Variants in PCDHA10 observed in about 807,000 individuals in gnomAD.
The protein encoded by PCDHA10 is protocadherin alpha-10.
PCDHA10 carries 45 observed loss-of-function variants against 61.2 expected under a neutral mutation model. That is an observed-to-expected ratio of 0.74 (90% CI 0.58 to 0.94). The LOEUF (loss-of-function observed/expected upper bound fraction) is 0.94, where lower values mean the gene tolerates loss of function less well. Among genes scored for constraint, PCDHA10 ranks in the 40% least tolerant of loss-of-function variants. The probability of loss-of-function intolerance (pLI) is 0.00; values close to 1 mark genes in which losing one functional copy is unlikely to be tolerated. For synonymous variants in PCDHA10, 602 were observed against 548.8 expected (o/e 1.10, Z -1.35); for missense variants, 1,278 against 1,236.2 (o/e 1.03, Z -0.51).
At chr5:140,918,129 T>C (rs1299993749) in intron 1 of PCDHA10, among the ~76,000 whole-genome samples, 2 of 152,198 alleles carry the variant, frequency 1.3e-5, no homozygotes, top group African/African-American at 2.4e-5. Flanking sequence ...GCCATATTCC[T>C]AGGTATTTTC....
intron 1 of PCDHA10, among the ~76,000 whole-genome samples, chr5:140,935,606 T>C (rs531169810): frequency 6.6e-6 from 1 of 152,352 alleles, no homozygotes; most frequent in East Asian, 1.9e-4. Flanking sequence ...GAGCTAGGCT[T>C]TTTTCAAGTC....
chr5:140,912,445 A>C (rs1165607499), intron 1 of PCDHA10, among the ~76,000 whole-genome samples: 1 of 151,772 alleles, frequency 6.6e-6, no homozygotes, highest in African/African-American at 2.4e-5. Flanking sequence ...ATTTGTGTGC[A>C]TTGATTTTGT....
At chr5:140,966,502 G>C in intron 1 of PCDHA10, 1 of 433,894 alleles carries the variant, frequency 2.3e-6, no homozygotes, top group Non-Finnish European at 4.0e-6. Flanking sequence ...GAGCTGTAGC[G>C]GCAGCAGCAG....
intron 1 of PCDHA10, chr5:140,869,029 A>AT (rs1364344296): frequency 2.6e-6 from 4 of 1,526,350 alleles, no homozygotes; most frequent in Non-Finnish European, 3.5e-6. Flanking sequence ...ATTCAACGAG[A>AT]TTTTTAACCT....
At position 140,876,596 on chromosome 5, in the gene PCDHA10, C is replaced by G. The variant is rs1361945795; in HGVS notation, c.2388+18160C>G. ...ACCGTCATTGCCCTGATTAGCGTGT[C>G]GGATCGTGACTCTGGAGCCAATGGA... On this transcript the variant is annotated intron_variant, in intron 1 of 3. Transcript: ENST00000307360. The G allele has an allele frequency of 3.1e-6, 5 of 1,614,040 alleles. No individual in the cohort carries two copies. In the East Asian group the frequency reaches 8.9e-5, roughly 29 times the overall value.
chr5:140,898,138 T>C (rs1294129650), intron 1 of PCDHA10, among the ~76,000 whole-genome samples: 1 of 152,208 alleles, frequency 6.6e-6, no homozygotes, highest in African/African-American at 2.4e-5. Flanking sequence ...ATTTTGTAGG[T>C]TGCCTGTTCA....
At chr5:140,871,412 C>T (rs891491030) in intron 1 of PCDHA10, 2 of 1,613,976 alleles carry the variant, frequency 1.2e-6, no homozygotes, top group Non-Finnish European at 1.7e-6. Flanking sequence ...GACCTCATGG[C>T]CTTCAGCCCC....
At chr5:140,950,778 G>C (rs537312607) in intron 1 of PCDHA10, among the ~76,000 whole-genome samples, 3 of 152,030 alleles carry the variant, frequency 2.0e-5, no homozygotes, top group Admixed American at 1.3e-4. Flanking sequence ...CATACATATG[G>C]TACTTTTTAA....
chr5:140,889,028 C>G (rs1015343865), intron 1 of PCDHA10, among the ~76,000 whole-genome samples: 1 of 151,754 alleles, frequency 6.6e-6, no homozygotes. Flanking sequence ...CTTGGATAAC[C>G]GTAATTTGAT....
intron 1 of PCDHA10, among the ~76,000 whole-genome samples, chr5:140,944,043 T>C (rs2093600641): frequency 6.6e-6 from 1 of 152,080 alleles, no homozygotes; most frequent in African/African-American, 2.4e-5. Flanking sequence ...GAAAACCAGA[T>C]TGGGATACAA....
At chr5:141,006,035 G>T (rs529655038) in intron 3 of PCDHA10, among the ~76,000 whole-genome samples, 7 of 151,222 alleles carry the variant, frequency 4.6e-5, no homozygotes, top group Admixed American at 2.0e-4. Flanking sequence ...GTAAGAGGGA[G>T]ATTTGTAGAT....
chr5:140,859,875 T>G (rs1554152798), intron 1 of PCDHA10: 1 of 152,066 alleles, frequency 6.6e-6, no homozygotes, highest in East Asian at 1.9e-4. Flanking sequence ...CTTCCCCCTC[T>G]GATATTTTGA....
At chr5:140,995,999 G>A (rs1489207802) in intron 3 of PCDHA10, among the ~76,000 whole-genome samples, 3 of 152,198 alleles carry the variant, frequency 2.0e-5, no homozygotes, top group Admixed American at 6.5e-5. Context: ...CAAAAATGTC[G>A]TCAGAACTAT....
At chr5:140,967,136 C>CTT (rs1401459371) in intron 1 of PCDHA10, 1 of 1,611,568 alleles carries the variant, frequency 6.2e-7, no homozygotes, top group African/African-American at 1.3e-5. Context: ...CTTGGAAGTG[C>CTT]TGGCGCACAA....
chr5:140,927,755 C>G (rs1388061408), intron 1 of PCDHA10: 6 of 1,614,196 alleles, frequency 3.7e-6, no homozygotes, highest in Non-Finnish European at 5.1e-6. Flanking sequence ...CACGTGCACC[C>G]TAAAAGTGGG....
intron 1 of PCDHA10, chr5:140,882,203 T>C: frequency 6.5e-7 from 1 of 1,530,090 alleles, no homozygotes; most frequent in East Asian, 2.3e-5. Context: ...AATTGGGCCT[T>C]GAGAGACAGT....
At chr5:140,875,905 T>A (rs1554168057) in intron 1 of PCDHA10, 1 of 1,614,222 alleles carries the variant, frequency 6.2e-7, no homozygotes, top group Admixed American at 1.7e-5. Flanking sequence ...TGTTTCTGAA[T>A]CTGCGCCTCT....
At chr5:140,927,975 C>T in intron 1 of PCDHA10, 2 of 1,614,244 alleles carry the variant, frequency 1.2e-6, no homozygotes, top group Non-Finnish European at 1.7e-6. Context: ...TGATTGCTCT[C>T]TTTAGTGTAA....
At position 140,857,244 on chromosome 5, in the gene PCDHA10, C is replaced by A; in HGVS notation, c.1196C>A (p.Thr399Asn). 1 of 1,598,592 alleles carries A rather than the reference C, an allele frequency of 6.3e-7. No individual in the cohort carries two copies. The highest frequency in any genetic ancestry group is 1.7e-5 in the Admixed American group (1 of 59,318). ...CACGTTCCGTTCAAGCTGGTGTCCA[C>A]CTACAAGAATTACTACTCATTGGTG... ...TPHVPFKLVS[T>N]YKNYYSLVLD... Residue 399 changes from threonine to asparagine, a missense_variant, in exon 1 of 4, where the codon ACC becomes AAC. By Grantham distance (65) the Thr-to-Asn change is moderately conservative. Transcript: ENST00000307360.
Sources: gnomAD v4.1 joint callset for allele counts (sites outside exome capture counted in the v4.1 genomes callset) on GRCh38, gnomAD v4.1.1 for gene constraint, MANE v1.5 for transcripts, NCBI Gene and HGNC (gene_info 2026-07-23, HGNC 2026-07-21) for gene names.